The following FAT3 variants were observed in gnomAD, a reference collection of about 807,000 sequenced individuals.
FAT3 encodes the protein protocadherin Fat 3.
A neutral mutation model predicts 310.2 loss-of-function variants in FAT3; 95 were observed. The observed-to-expected ratio is 0.31, with a 90% CI of 0.26 to 0.36. The LOEUF is 0.36. FAT3 is among the 10% of genes least tolerant of loss of function. The pLI, the probability that FAT3 is intolerant of heterozygous loss-of-function variation, is 1.00. For missense variants in FAT3, 5,408 were observed against 5,715.6 expected (o/e 0.95, Z 1.74); for synonymous variants, 2,314 against 2,192.9 (o/e 1.06, Z -1.54).
chr11:92,483,940 C>A (rs1952303621), intron 2 of FAT3, among the ~76,000 whole-genome samples: 1 of 152,200 alleles, frequency 6.6e-6, no homozygotes, highest in African/African-American at 2.4e-5. Flanking sequence ...AATGCCATTT[C>A]CCACTAGATT....
intron 3 of FAT3, among the ~76,000 whole-genome samples, chr11:92,683,072 TAAAA>T (rs1179409316): frequency 2.6e-5 from 3 of 114,848 alleles, no homozygotes; most frequent in African/African-American, 1.2e-4. Flanking sequence ...AGCAAGACTC[TAAAA>T]AAAAAAAAAA....
intron 3 of FAT3, among the ~76,000 whole-genome samples, chr11:92,596,045 T>A (rs905369186): frequency 6.6e-6 from 1 of 152,224 alleles, no homozygotes; most frequent in Admixed American, 6.5e-5. Flanking sequence ...CAAGAAAGTT[T>A]ATGAAAGTGA....
intron 3 of FAT3, among the ~76,000 whole-genome samples, chr11:92,660,327 T>C (rs1942738237): frequency 6.6e-6 from 1 of 152,102 alleles, no homozygotes; most frequent in Non-Finnish European, 1.5e-5. Flanking sequence ...TAGATGCTTT[T>C]CCTACATTGA....
intron 3 of FAT3, among the ~76,000 whole-genome samples, chr11:92,653,032 G>A (rs998789332): frequency 5.9e-5 from 9 of 152,150 alleles, no homozygotes; most frequent in Admixed American, 3.3e-4. Flanking sequence ...GGTGGCACAT[G>A]CCTGTAACCT....
At chr11:92,435,514 C>CCTTCCTTCCTTCCTTCCTTG (rs1565314950) in intron 2 of FAT3, among the ~76,000 whole-genome samples, 2 of 141,060 alleles carry the variant, frequency 1.4e-5, no homozygotes, top group African/African-American at 5.8e-5. Flanking sequence ...TTCCTTCCTT[C>CCTTCCTTCCTTCCTTCCTTG]CTTCCTTTCT....
intron 3 of FAT3, among the ~76,000 whole-genome samples, chr11:92,608,609 G>T (rs1272743174): frequency 6.6e-6 from 1 of 151,858 alleles, no homozygotes; most frequent in African/African-American, 2.4e-5. Flanking sequence ...TGGGCTACCT[G>T]ATTGTATATT....
At chr11:92,573,879 G>T (rs569388508) in intron 3 of FAT3, among the ~76,000 whole-genome samples, 26 of 152,104 alleles carry the variant, frequency 1.7e-4, no homozygotes, top group Admixed American at 2.0e-4. Context: ...TTGGTTTGTG[G>T]TAATTTGTAA....
At chr11:92,821,836 C>T (rs1477613756) in intron 13 of FAT3, among the ~76,000 whole-genome samples, 1 of 152,096 alleles carries the variant, frequency 6.6e-6, no homozygotes, top group East Asian at 1.9e-4. Flanking sequence ...TATTTACCTC[C>T]TACCAGTGTT....
At chr11:92,808,828 A>T (rs1446450843) in intron 12 of FAT3, among the ~76,000 whole-genome samples, 5 of 152,142 alleles carry the variant, frequency 3.3e-5, no homozygotes, top group Non-Finnish European at 5.9e-5. Context: ...TGGGAGGCTG[A>T]GGCAGGAGAA....
chr11:92,601,631 G>A (rs1940032492), intron 3 of FAT3, among the ~76,000 whole-genome samples: 1 of 152,052 alleles, frequency 6.6e-6, no homozygotes, highest in African/African-American at 2.4e-5. Flanking sequence ...GCATGCGTGT[G>A]GTAGGGAGGT....
At position 92,894,323 on chromosome 11, in the gene FAT3, A is replaced by G. The variant is rs1185977143; in HGVS notation, c.*3210A>G. On this transcript the variant is annotated 3_prime_UTR_variant, in exon 28 of 28. Transcript: ENST00000525166. ...TCAGACCAGTCATCAGTTGTAGTGA[A>G]ACTTTGATTATACTGTTACCTACTG... The G allele has an allele frequency of 6.6e-6, 1 of 152,180 alleles. No individual in the cohort carries two copies. Among genetic ancestry groups the G allele is most frequent in the Non-Finnish European group, 1.5e-5 (1 of 68,034 alleles). The allele number at this position is 152,180 out of a possible 1,614,324, so 9.4% of individuals were successfully genotyped here.
At position 92,513,881 on chromosome 11, in the gene FAT3, C is replaced by T. The variant is rs73550955; in HGVS notation, c.3293-10753C>T. ...CCCCCAAAGCATTCCCTGATCCATA[C>T]GCTGATAGGTTGTTTGGAGCTGTTG... is the stretch of plus-strand genomic sequence containing the variant. On this transcript the variant is annotated intron_variant, in intron 2 of 27. Transcript: ENST00000525166. Among the ~76,000 whole-genome samples, 811 of 152,232 alleles carry T rather than the reference C, an allele frequency of 5.3e-3. 6 individuals are homozygous for T. The highest frequency in any genetic ancestry group is 0.017 in the African/African-American group (713 of 41,566).
chr11:92,326,226 G>A lies in FAT3; in HGVS notation c.-17-25870G>A, dbSNP rs370813678. Among the ~76,000 whole-genome samples the A allele has an allele frequency of 1.7e-4, 26 of 152,286 alleles. 1 individual carries two copies. The South Asian group carries it at 4.4e-3, about 26-fold the overall frequency. On this transcript the variant is annotated intron_variant, in intron 1 of 27. Coordinates refer to ENST00000525166, the MANE Select transcript of FAT3 (RefSeq NM_001367949.2). ...ATTAAACCTACCTCATAGAGTTGTCGTAAGTGAAATGACATGGGGTTGGAC... is the reference window on the plus strand; with the variant it reads ...ATTAAACCTACCTCATAGAGTTGTCATAAGTGAAATGACATGGGGTTGGAC...
intron 2 of FAT3, among the ~76,000 whole-genome samples, chr11:92,429,326 T>G (rs1950711966): frequency 6.6e-6 from 1 of 152,168 alleles, no homozygotes. Flanking sequence ...GACTTAACTC[T>G]TTATACAATT....
At position 92,256,522 on chromosome 11, in the gene FAT3, GAGAT is replaced by G. The variant is rs532320989; in HGVS notation, c.-18+31351_-18+31354del. 2.0e-3 allele frequency among the ~76,000 whole-genome samples: 311 copies of G among 152,120 alleles called. 1 individual carries two copies. Among genetic ancestry groups the G allele is most frequent in the Non-Finnish European group, 4.0e-3 (270 of 67,978 alleles). ...AACAAATAAGGAGATAAATAAAAAA[GAGAT>G]AGGGAATTAGAAAACCAAAGTGTGA... On this transcript the variant is annotated intron_variant, in intron 1 of 27. Coordinates refer to ENST00000525166, the MANE Select transcript of FAT3 (RefSeq NM_001367949.2).
At chr11:92,806,551 G>T in intron 12 of FAT3, 36 bp downstream of exon 12, 1 of 1,507,614 alleles carries the variant, frequency 6.6e-7, no homozygotes, top group Non-Finnish European at 9.0e-7. Flanking sequence ...AAATGTCATT[G>T]TTAATTCATG....
At chr11:92,614,680 G>A (rs1477346636) in intron 3 of FAT3, among the ~76,000 whole-genome samples, 1 of 152,058 alleles carries the variant, frequency 6.6e-6, no homozygotes, top group East Asian at 1.9e-4. Flanking sequence ...CTTTCTTGAT[G>A]ATCTTATTTG....
intron 3 of FAT3, among the ~76,000 whole-genome samples, chr11:92,534,717 C>T (rs561353113): frequency 6.6e-6 from 1 of 152,158 alleles, no homozygotes; most frequent in South Asian, 2.1e-4. Flanking sequence ...AGGAAGACAA[C>T]GTGCAGAGAA....
At chr11:92,675,887 G>T (rs963929068) in intron 3 of FAT3, among the ~76,000 whole-genome samples, 1 of 152,064 alleles carries the variant, frequency 6.6e-6, no homozygotes, top group African/African-American at 2.4e-5. Context: ...GTAATTTTGG[G>T]TGATCACTCC....
Sources: allele counts gnomAD v4.1 joint callset (sites outside exome capture counted in the v4.1 genomes callset), GRCh38; gene constraint gnomAD v4.1.1; transcripts MANE v1.5; gene names NCBI Gene and HGNC (gene_info 2026-07-23, HGNC 2026-07-21).